The following ROBO1 variants were observed in gnomAD, a reference collection of about 807,000 sequenced individuals.
The protein encoded by ROBO1 is roundabout homolog 1.
A neutral mutation model predicts 195.9 loss-of-function variants in ROBO1; 149 were observed. That is an observed-to-expected ratio of 0.76 (90% CI 0.67 to 0.87). ROBO1 has a LOEUF of 0.87. ROBO1 is among the 40% of genes least tolerant of loss of function. The probability of loss-of-function intolerance (pLI) is 0.00; values close to 1 mark genes in which losing one functional copy is unlikely to be tolerated. For missense variants in ROBO1, 1,933 were observed against 2,068.3 expected (o/e 0.93, Z 1.27); for synonymous variants, 816 against 733.2 (o/e 1.11, Z -1.82).
At chr3:78,742,910 A>G (rs571963506) in intron 5 of ROBO1, among the ~76,000 whole-genome samples, 5 of 152,300 alleles carry the variant, frequency 3.3e-5, no homozygotes, top group African/African-American at 9.6e-5. Flanking sequence ...GCAAAAGTAA[A>G]TGAAGATTCT....
At chr3:78,760,049 A>G (rs2083055547) in intron 4 of ROBO1, among the ~76,000 whole-genome samples, 1 of 152,184 alleles carries the variant, frequency 6.6e-6, no homozygotes, top group African/African-American at 2.4e-5. Context: ...GGTTTCCCCC[A>G]TGCTGTTCTC....
intron 2 of ROBO1, among the ~76,000 whole-genome samples, chr3:79,513,710 G>GA (rs35839194): frequency 1.1e-4 from 17 of 150,986 alleles, no homozygotes; most frequent in East Asian, 3.9e-4. Flanking sequence ...ATTTGCCATG[G>GA]AAAAAAAAAA....
intron 3 of ROBO1, among the ~76,000 whole-genome samples, chr3:79,040,633 A>G (rs2078469983): frequency 6.6e-6 from 1 of 152,156 alleles, no homozygotes; most frequent in East Asian, 1.9e-4. Flanking sequence ...TCATGACATT[A>G]AATATATTTC....
chr3:78,732,707 T>A (rs2082311009), intron 5 of ROBO1, among the ~76,000 whole-genome samples: 1 of 152,142 alleles, frequency 6.6e-6, no homozygotes, highest in Admixed American at 6.5e-5. Flanking sequence ...GGCTAAGGAA[T>A]AAGAAATCAT....
chr3:79,001,657 A>T (rs751717430), intron 3 of ROBO1, among the ~76,000 whole-genome samples: 2 of 152,142 alleles, frequency 1.3e-5, no homozygotes, highest in East Asian at 1.9e-4. Context: ...GGCAATTTTT[A>T]AAAAATTATT....
At chr3:79,656,839 C>T (rs867947106) in intron 1 of ROBO1, among the ~76,000 whole-genome samples, 1 of 151,802 alleles carries the variant, frequency 6.6e-6, no homozygotes, top group South Asian at 2.1e-4. Flanking sequence ...TGAAGCTGCA[C>T]TGAGCTGTGA....
chr3:78,978,673 G>C (rs1004314911), intron 3 of ROBO1, among the ~76,000 whole-genome samples: 1 of 152,086 alleles, frequency 6.6e-6, no homozygotes, highest in Non-Finnish European at 1.5e-5. Context: ...GCAGAGCCTT[G>C]TACTTTTTCC....
chr3:79,049,963 A>G (rs545210793), intron 3 of ROBO1, among the ~76,000 whole-genome samples: 1 of 152,320 alleles, frequency 6.6e-6, no homozygotes, highest in East Asian at 1.9e-4. Flanking sequence ...AAGACCATTG[A>G]CGCTATGAAT....
intron 2 of ROBO1, among the ~76,000 whole-genome samples, chr3:79,329,229 A>C (rs1223596224): frequency 6.6e-6 from 1 of 152,198 alleles, no homozygotes; most frequent in Non-Finnish European, 1.5e-5. Context: ...ATCTTGAAAA[A>C]AATTCAGAGA....
intron 1 of ROBO1, among the ~76,000 whole-genome samples, chr3:79,733,016 C>T (rs1703220025): frequency 6.6e-6 from 1 of 152,156 alleles, no homozygotes; most frequent in Non-Finnish European, 1.5e-5. Context: ...CCATAGCAGT[C>T]CCCAAAATAA....
At chr3:79,143,725 G>T (rs1025257564) in intron 2 of ROBO1, among the ~76,000 whole-genome samples, 10 of 151,858 alleles carry the variant, frequency 6.6e-5, no homozygotes, top group Admixed American at 6.6e-4. Flanking sequence ...TCCTCCAGTG[G>T]TAACATCTTG....
intron 7 of ROBO1, 73 bp from the exon 8 acceptor site, chr3:78,714,597 G>A (rs2081854046): frequency 1.5e-6 from 2 of 1,357,234 alleles, no homozygotes; most frequent in Non-Finnish European, 2.0e-6. Flanking sequence ...TACACACAAT[G>A]CTTCAAAGCA....
At chr3:78,998,560 T>C (rs1017587682) in intron 3 of ROBO1, among the ~76,000 whole-genome samples, 1 of 152,164 alleles carries the variant, frequency 6.6e-6, no homozygotes, top group Non-Finnish European at 1.5e-5. Context: ...CAATTCCCAG[T>C]GTTTCTTGTA....
In ROBO1 at chr3:79,255,593, A is replaced by G. The variant is rs117942947; in HGVS notation, c.89-130054T>C. ...CAAAACAAAATTATTCTGCATTTTA[A>G]TCATTAGTGTCACTGTGTTTTCTCA... On this transcript the variant is annotated intron_variant, in intron 2 of 30. Coordinates refer to ENST00000464233, the MANE Select transcript of ROBO1 (RefSeq NM_002941.4). 4.6e-4 allele frequency among the ~76,000 whole-genome samples: 70 copies of G among 152,314 alleles called. 1 individual carries two copies. The East Asian group carries it at 0.013, about 29-fold the overall frequency.
chr3:79,341,461 A>G (rs2034901331), intron 2 of ROBO1, among the ~76,000 whole-genome samples: 1 of 151,760 alleles, frequency 6.6e-6, no homozygotes, highest in African/African-American at 2.4e-5. Context: ...AGCAGTTCCT[A>G]TCTTTTTTCT....
chr3:78,865,845 G>C (rs984734212), intron 4 of ROBO1, among the ~76,000 whole-genome samples: 2 of 152,054 alleles, frequency 1.3e-5, no homozygotes, highest in African/African-American at 4.8e-5. Context: ...CAGCTCATTA[G>C]AGTTACACTT....
At chr3:78,637,704 T>A (rs1705606902) in intron 22 of ROBO1, among the ~76,000 whole-genome samples, 1 of 152,136 alleles carries the variant, frequency 6.6e-6, no homozygotes, top group Non-Finnish European at 1.5e-5. Context: ...ATTACATGAG[T>A]ATCTATCTGT....
chr3:78,860,326 A>ATATATATAT lies in ROBO1; in HGVS notation c.499+78274_499+78275insATATATATA, dbSNP rs376853384. ...ACTATATATATATATATATATATAT[A>ATATATATAT]TTTTTTTTTTTTTACTCATAAGGTG... is the stretch of plus-strand genomic sequence containing the variant. On this transcript the variant is annotated intron_variant, in intron 4 of 30. Transcript: ENST00000464233. Among the ~76,000 whole-genome samples, 688 of 93,468 alleles carry ATATATATAT rather than the reference A, an allele frequency of 7.4e-3. 10 individuals carry two copies. The highest frequency in any genetic ancestry group is 0.011 in the South Asian group (28 of 2,538). The allele number at this position is 93,468 out of a possible 152,430, so 61.3% of individuals were successfully genotyped here. A position where few individuals can be genotyped will look rare whatever the true frequency, so the allele number is the denominator to read the frequency against.
intron 4 of ROBO1, among the ~76,000 whole-genome samples, chr3:78,828,414 A>G (rs1241379623): frequency 6.6e-6 from 1 of 152,182 alleles, no homozygotes; most frequent in African/African-American, 2.4e-5. Flanking sequence ...TGTAGTCTTC[A>G]TTTGAAAATG....
Sources: gnomAD v4.1 joint callset for allele counts (sites outside exome capture counted in the v4.1 genomes callset) on GRCh38, gnomAD v4.1.1 for gene constraint, MANE v1.5 for transcripts, NCBI Gene and HGNC (gene_info 2026-07-23, HGNC 2026-07-21) for gene names.